FMN1: variants seen among roughly 807,000 people sequenced by gnomAD.
FMN1 encodes formin 1, also known as formin-1.
In FMN1, 110 loss-of-function variants were observed where a neutral mutation model predicts 132.4. The observed-to-expected ratio is 0.83, with a 90% CI of 0.71 to 0.97. The LOEUF (loss-of-function observed/expected upper bound fraction) is 0.97, where lower values mean the gene tolerates loss of function less well. FMN1 is among the 50% of genes least tolerant of loss of function. The pLI is 0.00. For missense variants in FMN1, 1,792 were observed against 1,705.3 expected (o/e 1.05, Z -0.90); for synonymous variants, 722 against 651.7 (o/e 1.11, Z -1.64).
At chr15:32,932,354 T>G (rs1309979513) in intron 9 of FMN1, among the ~76,000 whole-genome samples, 1 of 152,206 alleles carries the variant, frequency 6.6e-6, no homozygotes, top group Non-Finnish European at 1.5e-5. Flanking sequence ...TGAGCTGATA[T>G]TGTGCCACTG....
chr15:32,881,548 A>G (rs1022479769), intron 16 of FMN1, among the ~76,000 whole-genome samples: 5 of 152,184 alleles, frequency 3.3e-5, no homozygotes, highest in Non-Finnish European at 7.3e-5. Context: ...AAGTCCTCCA[A>G]AAGGTTTCCA....
At chr15:33,190,937 G>A (rs138216721) in intron 2 of FMN1, among the ~76,000 whole-genome samples, 4 of 152,226 alleles carry the variant, frequency 2.6e-5, no homozygotes, top group African/African-American at 4.8e-5. Flanking sequence ...TTGGAAGGCC[G>A]AGGCAGGCAG....
chr15:33,100,595 A>G (rs948601227), intron 4 of FMN1, among the ~76,000 whole-genome samples: 2 of 152,168 alleles, frequency 1.3e-5, no homozygotes, highest in Non-Finnish European at 2.9e-5. Flanking sequence ...ACGGCCCACA[A>G]AGTCAAAAAT....
At chr15:32,809,175 CTT>C (rs1274804645) in intron 17 of FMN1, among the ~76,000 whole-genome samples, 3 of 152,116 alleles carry the variant, frequency 2.0e-5, no homozygotes, top group Admixed American at 2.0e-4. Flanking sequence ...GTTCTGTAAT[CTT>C]TGACCTGATT....
chr15:32,840,626 C>G (rs1364423886), intron 17 of FMN1, among the ~76,000 whole-genome samples: 1 of 152,174 alleles, frequency 6.6e-6, no homozygotes, highest in Non-Finnish European at 1.5e-5. Flanking sequence ...CTATTTCGTT[C>G]AGTGCCAAGG....
intron 4 of FMN1, among the ~76,000 whole-genome samples, chr15:33,152,051 C>G (rs975204324): frequency 2.6e-5 from 4 of 152,180 alleles, no homozygotes; most frequent in East Asian, 1.9e-4. Context: ...GATGTTTGCT[C>G]TAACCTGTAA....
At chr15:32,904,410 G>C (rs183465225) in intron 12 of FMN1, among the ~76,000 whole-genome samples, 284 of 152,364 alleles carry the variant, frequency 1.9e-3, no homozygotes, top group Non-Finnish European at 2.9e-3. Context: ...GTTCTAAACA[G>C]GAAGGTGACA....
At chr15:33,062,388 G>A (rs1004573066) in intron 6 of FMN1, among the ~76,000 whole-genome samples, 2 of 152,224 alleles carry the variant, frequency 1.3e-5, no homozygotes, top group Middle Eastern at 3.4e-3. Flanking sequence ...TTGGGAGGTC[G>A]AGGCGGGGGG....
intron 7 of FMN1, among the ~76,000 whole-genome samples, chr15:32,979,727 T>C (rs1428607241): frequency 8.6e-6 from 1 of 116,402 alleles, no homozygotes; most frequent in Non-Finnish European, 1.8e-5. Flanking sequence ...AACTTTTTCC[T>C]TGACAACTGA....
chr15:32,785,332 C>T (rs2056840767), intron 19 of FMN1, among the ~76,000 whole-genome samples: 1 of 147,410 alleles, frequency 6.8e-6, no homozygotes, highest in Admixed American at 6.9e-5. Context: ...ATTAGGATTA[C>T]AGGTGTAAGC....
intron 9 of FMN1, among the ~76,000 whole-genome samples, chr15:32,939,135 C>T (rs972422713): frequency 6.6e-6 from 1 of 152,200 alleles, no homozygotes; most frequent in Non-Finnish European, 1.5e-5. Context: ...ACCTTTATTC[C>T]TTTAGTGGCC....
At chr15:33,067,990 G>A in intron 5 of FMN1, 2 of 1,473,580 alleles carry the variant, frequency 1.4e-6, no homozygotes, top group Non-Finnish European at 1.8e-6. Flanking sequence ...AGAGCAACAG[G>A]ACCCGGGAGT....
intron 6 of FMN1, among the ~76,000 whole-genome samples, chr15:33,052,472 C>T (rs1398805652): frequency 6.6e-6 from 1 of 152,230 alleles, no homozygotes; most frequent in Non-Finnish European, 1.5e-5. Flanking sequence ...CTTCACCTGT[C>T]TGATGTCTTT....
chr15:33,081,232 C>CA (rs1438419352), intron 5 of FMN1, among the ~76,000 whole-genome samples: 1 of 152,190 alleles, frequency 6.6e-6, no homozygotes, highest in Non-Finnish European at 1.5e-5. Context: ...ACCATACCCC[C>CA]ACCTTGCTAA....
intron 6 of FMN1, among the ~76,000 whole-genome samples, chr15:33,011,777 A>T (rs2034740265): frequency 6.6e-6 from 1 of 152,276 alleles, no homozygotes; most frequent in East Asian, 1.9e-4. Flanking sequence ...CATGTGAAAA[A>T]TGAGCAAAAA....
intron 12 of FMN1, 138 bp downstream of exon 12, chr15:32,908,352 T>G (rs2060476343): frequency 9.9e-6 from 6 of 608,866 alleles, no homozygotes; most frequent in South Asian, 7.8e-5. Context: ...TCCTGCTGCA[T>G]GCAACAGGTC....
rs2031519313 is a variant in FMN1 at position 32,968,991 on chromosome 15, G to A, written c.2710C>T (p.Pro904Ser). The A allele has an allele frequency of 1.8e-6, 2 of 1,088,452 alleles. No homozygotes were observed. The highest frequency in any genetic ancestry group is 3.2e-5 in the African/African-American group (2 of 63,456). The allele number at this position is 1,088,452 out of a possible 1,614,324, so 67.4% of individuals were successfully genotyped here. A position where few individuals can be genotyped will look rare whatever the true frequency, so the allele number is the denominator to read the frequency against. ...GGTGGCGGTGGAGGAGGCGGAGGTG[G>A]TAGCGGTGGCCCAGCACTCACAGGT... ...MPPVSAGPPL[P>S]PPPPPPPPLP... is the part of the protein sequence containing the mutation. The change falls in exon 8 of 21, where the codon CCA becomes TCA. Residue 904 changes from proline (P) to serine (S), a missense_variant. Transcript: ENST00000616417.
At chr15:33,148,535 A>G in intron 4 of FMN1, among the ~76,000 whole-genome samples, 1 of 152,126 alleles carries the variant, frequency 6.6e-6, no homozygotes, top group East Asian at 1.9e-4. Context: ...GAGGAGGTTT[A>G]CAGGAAGTGG....
At chr15:33,068,311 T>G in intron 5 of FMN1, 1 of 176,022 alleles carries the variant, frequency 5.7e-6, no homozygotes, top group Non-Finnish European at 1.2e-5. Context: ...TTCAACTTCC[T>G]CATTGGTGAG....
Sources: allele counts gnomAD v4.1 joint callset (sites outside exome capture counted in the v4.1 genomes callset), GRCh38; gene constraint gnomAD v4.1.1; transcripts MANE v1.5; gene names NCBI Gene and HGNC (gene_info 2026-07-23, HGNC 2026-07-21).